Variants in IL1RL2 observed in about 807,000 individuals in gnomAD.
IL1RL2 encodes interleukin 1 receptor like 2.
IL1RL2 carries 68 observed loss-of-function variants against 66.8 expected under a neutral mutation model. The ratio of observed to expected loss-of-function variants is 1.02; its 90% CI spans 0.84 to 1.25. IL1RL2 has a LOEUF of 1.25. Among genes scored for constraint, IL1RL2 ranks in the 50% most tolerant of loss-of-function variants. The pLI, the probability that IL1RL2 is intolerant of heterozygous loss-of-function variation, is 0.00. For synonymous variants in IL1RL2, 305 were observed against 264.6 expected (o/e 1.15, Z -1.48); for missense variants, 729 against 709.3 (o/e 1.03, Z -0.32).
intron 6 of IL1RL2, among the ~76,000 whole-genome samples, chr2:102,213,745 T>C (rs1263384254): frequency 1.3e-5 from 2 of 152,110 alleles, no homozygotes; most frequent in African/African-American, 4.8e-5. Context: ...CAACTAACCA[T>C]TTGACTCTAT....
intron 9 of IL1RL2, among the ~76,000 whole-genome samples, chr2:102,229,411 G>C (rs1033055129): frequency 1.3e-5 from 2 of 152,156 alleles, no homozygotes; most frequent in Admixed American, 6.5e-5. Flanking sequence ...TCTCATTTTA[G>C]TCACAGCAAA....
chr2:102,190,377 G>A (rs1324918489), intron 3 of IL1RL2, among the ~76,000 whole-genome samples: 2 of 152,148 alleles, frequency 1.3e-5, no homozygotes, highest in African/African-American at 4.8e-5. Context: ...ATCTCTCTGA[G>A]CCTTGGTTTT....
intron 3 of IL1RL2, 99 bp downstream of exon 3, chr2:102,189,409 T>A (rs527651164): frequency 2.9e-6 from 2 of 698,186 alleles, no homozygotes; most frequent in Admixed American, 5.9e-5. Flanking sequence ...AGAAGAATTA[T>A]GTTGTTGTAT....
Position 102,187,921 on chromosome 2 carries a change from A to G in IL1RL2, c.54A>G (p.Thr18=). ...GLSIALPLSV[T]ADGCKDIFMK... ...CCATCGCCCTTCCACTGTCTGTCAC[A>G]GCAGGTACGTTCCGTGTGTCCTCCG... Residue 18 remains threonine, a synonymous_variant, in exon 2 of 12, where the codon ACA becomes ACG. Coordinates refer to ENST00000264257, the MANE Select transcript of IL1RL2 (RefSeq NM_003854.4). 1.2e-6 allele frequency: 2 copies of G among 1,613,788 alleles called. No homozygotes were observed. The highest frequency in any genetic ancestry group is 1.1e-5 in the South Asian group (1 of 91,078).
At chr2:102,230,130 C>T (rs549905201) in intron 9 of IL1RL2, among the ~76,000 whole-genome samples, 8 of 152,186 alleles carry the variant, frequency 5.3e-5, no homozygotes, top group Admixed American at 4.6e-4. Flanking sequence ...TGTGGTGAAC[C>T]GAGCATCAAC....
chr2:102,225,985 A>G lies in IL1RL2; in HGVS notation c.1079A>G (p.Lys360Arg). Residue 360 changes from lysine (K) to arginine (R), a missense_variant, in exon 9 of 12, where the codon AAG (lysine) becomes AGG (arginine). By Grantham distance (26) the Lys-to-Arg change is conservative. Coordinates refer to ENST00000264257, the MANE Select transcript of IL1RL2 (RefSeq NM_003854.4). Reference sequence around the variant, plus strand: ...GTTGTGTACATATACAACATTTTTAAGATCGACATTGTTCTTTGGTATCGA... The same window carrying G: ...GTTGTGTACATATACAACATTTTTAGGATCGACATTGTTCTTTGGTATCGA... ...VSVVYIYNIF[K>R]IDIVLWYRSA... 6.2e-7 allele frequency: 1 copy of G among 1,608,784 alleles called. No individual in the cohort carries two copies. Among genetic ancestry groups the G allele is most frequent in the Non-Finnish European group, 8.5e-7 (1 of 1,177,378 alleles).
At chr2:102,225,108 G>A (rs1031098492) in intron 8 of IL1RL2, among the ~76,000 whole-genome samples, 3 of 152,186 alleles carry the variant, frequency 2.0e-5, no homozygotes, top group Non-Finnish European at 4.4e-5. Context: ...TTTGGGCTGC[G>A]GTGAGGCAGA....
At chr2:102,219,135 C>T (rs1689872438) in intron 7 of IL1RL2, 53 bp downstream of exon 7, 2 of 1,597,308 alleles carry the variant, frequency 1.3e-6, no homozygotes, top group South Asian at 1.1e-5. Context: ...ATTTCTCCAT[C>T]TAAGTGAATC....
At chr2:102,195,657 TTCTTTC>T (rs1687703215) in intron 4 of IL1RL2, among the ~76,000 whole-genome samples, 1 of 56,186 alleles carries the variant, frequency 1.8e-5, no homozygotes, top group Admixed American at 1.6e-4. Context: ...CTTTCTTTCT[TTCTTTC>T]TTTCTTTCTT....
chr2:102,240,346 TTTC>T (rs957208274), downstream of IL1RL2, among the ~76,000 whole-genome samples: 5 of 149,454 alleles, frequency 3.3e-5, no homozygotes, highest in African/African-American at 9.8e-5. Context: ...TTTCTCCAAA[TTTC>T]TTCTTCTCCT....
intron 5 of IL1RL2, 66 bp from the exon 6 acceptor site, chr2:102,212,034 A>G (rs903447916): frequency 3.4e-6 from 4 of 1,185,136 alleles, no homozygotes; most frequent in South Asian, 1.3e-5. Flanking sequence ...ATGCTATTAC[A>G]TCAAAGTACT....
chr2:102,191,132 T>C (rs1687199021), intron 3 of IL1RL2, among the ~76,000 whole-genome samples: 1 of 152,164 alleles, frequency 6.6e-6, no homozygotes, highest in Non-Finnish European at 1.5e-5. Flanking sequence ...TTACAAACAA[T>C]ATTTTTCTCC....
chr2:102,213,233 C>T (rs1346016710), intron 6 of IL1RL2, among the ~76,000 whole-genome samples: 1 of 151,960 alleles, frequency 6.6e-6, no homozygotes, highest in East Asian at 1.9e-4. Flanking sequence ...CTACATGGTT[C>T]GAGGAATATA....
At chr2:102,195,160 T>C (rs889134573) in intron 4 of IL1RL2, among the ~76,000 whole-genome samples, 4 of 152,228 alleles carry the variant, frequency 2.6e-5, no homozygotes, top group Non-Finnish European at 4.4e-5. Context: ...TTTATAGATC[T>C]GGATATCAGT....
intron 8 of IL1RL2, 23 bp from the exon 9 acceptor site, chr2:102,225,875 T>C (rs1418117669): frequency 2.0e-6 from 3 of 1,476,396 alleles, no homozygotes; most frequent in Non-Finnish European, 9.0e-7. Flanking sequence ...TAATTATTAT[T>C]ATTTTTTTGC....
intron 4 of IL1RL2, among the ~76,000 whole-genome samples, chr2:102,199,568 A>C (rs1688059909): frequency 6.6e-6 from 1 of 152,252 alleles, no homozygotes; most frequent in Admixed American, 6.5e-5. Flanking sequence ...ATTACCCTAA[A>C]GATTTTAAAT....
intron 6 of IL1RL2, among the ~76,000 whole-genome samples, chr2:102,213,052 A>G (rs1341635782): frequency 1.3e-5 from 2 of 152,246 alleles, no homozygotes. Flanking sequence ...CAAATTAGAC[A>G]AAAATCTCAA....
chr2:102,235,169 A>T lies in IL1RL2; in HGVS notation c.1570A>T (p.Met524Leu). ...HGDFTEQSQC[M>L]KTKFWKTVRY... Reference sequence around the variant, plus strand: ...GGACTTCACGGAGCAGTCACAGTGTATGAAGACCAAGTTTTGGAAGACAGT... The same window carrying T: ...GGACTTCACGGAGCAGTCACAGTGTTTGAAGACCAAGTTTTGGAAGACAGT... The change falls in exon 11 of 12, where the codon ATG becomes TTG. Residue 524 changes from methionine (M) to leucine (L), a missense_variant. Met to Leu is a conservative substitution (Grantham distance 15, BLOSUM62 2). Coordinates refer to ENST00000264257, the MANE Select transcript of IL1RL2 (RefSeq NM_003854.4). The T allele has an allele frequency of 6.2e-7, 1 of 1,614,214 alleles. No individual in the cohort carries two copies. The highest frequency in any genetic ancestry group is 2.2e-5 in the East Asian group (1 of 44,880).
At position 102,230,225 on chromosome 2, in the gene IL1RL2, G is replaced by C. The variant is rs142033104; in HGVS notation, c.1136-2738G>C. On this transcript the variant is annotated intron_variant, in intron 9 of 11. Transcript: ENST00000264257. ...ATTGAATTCCTTCTCCAAAAGTTCA[G>C]AAACATAAGAAACTTATGAAATGTT... 5.5e-4 allele frequency among the ~76,000 whole-genome samples: 84 copies of C among 152,208 alleles called. 1 individual carries two copies. Among genetic ancestry groups the C allele is most frequent in the African/African-American group, 2.0e-3 (83 of 41,534 alleles).
Sources: allele counts gnomAD v4.1 joint callset (sites outside exome capture counted in the v4.1 genomes callset), GRCh38; gene constraint gnomAD v4.1.1; transcripts MANE v1.5; gene names NCBI Gene and HGNC (gene_info 2026-07-23, HGNC 2026-07-21).